The following SNTB1 variants were observed in gnomAD, a reference collection of about 807,000 sequenced individuals.
The protein encoded by SNTB1 is beta-1-syntrophin.
Under a neutral mutation model 48.9 loss-of-function variants are expected in SNTB1, and 36 were observed. The ratio of observed to expected loss-of-function variants is 0.74; its 90% CI spans 0.56 to 0.97. The LOEUF (loss-of-function observed/expected upper bound fraction) is 0.97. SNTB1 is among the 50% of genes least tolerant of loss of function. The probability of loss-of-function intolerance (pLI) is 0.00; values close to 1 mark genes in which losing one functional copy is unlikely to be tolerated. For synonymous variants in SNTB1, 299 were observed against 294.6 expected (o/e 1.01, Z -0.15); for missense variants, 786 against 703.4 (o/e 1.12, Z -1.33).
At chr8:120,593,448 A>C (rs984958707) in intron 3 of SNTB1, among the ~76,000 whole-genome samples, 17 of 151,992 alleles carry the variant, frequency 1.1e-4, no homozygotes, top group Admixed American at 5.9e-4. Context: ...ATCCTGTGTC[A>C]CTCCATCCCA....
intron 3 of SNTB1, among the ~76,000 whole-genome samples, chr8:120,580,092 T>C (rs1320587952): frequency 6.6e-6 from 1 of 152,240 alleles, no homozygotes; most frequent in Non-Finnish European, 1.5e-5. Context: ...TTTAAAGTTA[T>C]CTGCTACTAG....
At chr8:120,611,242 G>A (rs1281571001) in intron 3 of SNTB1, among the ~76,000 whole-genome samples, 3 of 152,084 alleles carry the variant, frequency 2.0e-5, no homozygotes, top group Non-Finnish European at 4.4e-5. Flanking sequence ...CTCTGTTCAG[G>A]GTCACTTTTG....
At chr8:120,742,047 T>C (rs932180446) in intron 1 of SNTB1, among the ~76,000 whole-genome samples, 2 of 152,184 alleles carry the variant, frequency 1.3e-5, no homozygotes, top group African/African-American at 4.8e-5. Flanking sequence ...AGTAAAAGTT[T>C]AATCCATAGG....
chr8:120,717,998 C>T (rs1049856388), intron 1 of SNTB1, among the ~76,000 whole-genome samples: 1 of 152,182 alleles, frequency 6.6e-6, no homozygotes, highest in African/African-American at 2.4e-5. Flanking sequence ...AGGCCTTTGT[C>T]CCTTTTATTC....
At chr8:120,697,455 A>G (rs1373792798) in intron 1 of SNTB1, among the ~76,000 whole-genome samples, 1 of 152,248 alleles carries the variant, frequency 6.6e-6, no homozygotes, top group Non-Finnish European at 1.5e-5. Context: ...GAAATGGTCC[A>G]TGATTAGAAG....
intron 2 of SNTB1, among the ~76,000 whole-genome samples, chr8:120,645,009 T>G (rs1344397566): frequency 6.7e-6 from 1 of 150,278 alleles, no homozygotes; most frequent in East Asian, 2.0e-4. Flanking sequence ...TTGATGGGGT[T>G]GTTTGTTTTT....
At chr8:120,811,235 G>A (rs1190461781) in intron 1 of SNTB1, 38 bp downstream of exon 1, 9 of 1,547,034 alleles carry the variant, frequency 5.8e-6, no homozygotes, top group Non-Finnish European at 7.8e-6. Context: ...GCAGGTGTGT[G>A]CGCGCCCGGC....
At chr8:120,691,883 A>G (rs1818134014) in intron 2 of SNTB1, among the ~76,000 whole-genome samples, 1 of 152,218 alleles carries the variant, frequency 6.6e-6, no homozygotes, top group Non-Finnish European at 1.5e-5. Flanking sequence ...AAACTTTGAC[A>G]TCAGATCATT....
intron 1 of SNTB1, among the ~76,000 whole-genome samples, chr8:120,725,445 G>A (rs1057081368): frequency 2.4e-4 from 36 of 152,094 alleles, no homozygotes; most frequent in Non-Finnish European, 1.6e-4. Flanking sequence ...CTGCTTTTAG[G>A]GGAACCCAAA....
intron 1 of SNTB1, among the ~76,000 whole-genome samples, chr8:120,717,929 T>C (rs1375786914): frequency 1.3e-5 from 2 of 152,146 alleles, no homozygotes; most frequent in African/African-American, 4.8e-5. Flanking sequence ...AGAAAAGAGG[T>C]ACTAGATGTG....
At chr8:120,569,132 C>A (rs1563819647) in intron 4 of SNTB1, among the ~76,000 whole-genome samples, 2 of 152,180 alleles carry the variant, frequency 1.3e-5, no homozygotes, top group South Asian at 4.1e-4. Flanking sequence ...AGGCACCCAC[C>A]ACCATGCCTG....
intron 4 of SNTB1, among the ~76,000 whole-genome samples, chr8:120,562,116 G>A (rs1486282619): frequency 6.6e-6 from 1 of 152,172 alleles, no homozygotes; most frequent in Non-Finnish European, 1.5e-5. Flanking sequence ...AGTCAAATAT[G>A]TCAAAGTACT....
intron 3 of SNTB1, among the ~76,000 whole-genome samples, chr8:120,576,702 C>T (rs760617892): frequency 4.6e-5 from 7 of 152,186 alleles, no homozygotes; most frequent in Non-Finnish European, 8.8e-5. Flanking sequence ...ACCCAGTTTA[C>T]TAGCTGTGGG....
At chr8:120,773,852 G>A (rs894676686) in intron 1 of SNTB1, among the ~76,000 whole-genome samples, 1 of 152,234 alleles carries the variant, frequency 6.6e-6, no homozygotes, top group South Asian at 2.1e-4. Context: ...AGTATGTGGT[G>A]GAGCTAGGCT....
intron 1 of SNTB1, 130 bp downstream of exon 1, chr8:120,811,143 A>AC (rs1563610577): frequency 2.4e-5 from 27 of 1,130,218 alleles, no homozygotes; most frequent in African/African-American, 9.5e-5. Context: ...CCCCCCCCCC[A>AC]ACACACACAC....
At chr8:120,798,951 A>C (rs1032288183) in intron 1 of SNTB1, among the ~76,000 whole-genome samples, 1 of 152,042 alleles carries the variant, frequency 6.6e-6, no homozygotes, top group Non-Finnish European at 1.5e-5. Context: ...AAATACCTTC[A>C]GTTCTCTCCC....
chr8:120,541,895 T>C lies in SNTB1; in HGVS notation c.1439A>G (p.Gln480Arg), dbSNP rs749144227. The change falls in exon 6 of 7, where the codon CAG becomes CGG. Residue 480 changes from glutamine (Q) to arginine (R), a missense_variant. Transcript: ENST00000517992. ...CATTTTGAGCTTTTCATAAGGAGAC[T>C]GTATGATGGTCTTGGGAAAGGCACC... ...QEGAFPKTII[Q>R]SPYEKLKMSS... 1.2e-6 allele frequency: 2 copies of C among 1,613,920 alleles called. No homozygotes were observed. The highest frequency in any genetic ancestry group is 1.7e-6 in the Non-Finnish European group (2 of 1,179,800).
At chr8:120,588,131 G>A (rs1300237557) in intron 3 of SNTB1, among the ~76,000 whole-genome samples, 2 of 152,088 alleles carry the variant, frequency 1.3e-5, no homozygotes, top group Non-Finnish European at 2.9e-5. Context: ...ATAAAAGGTG[G>A]GGTGTGTTTG....
chr8:120,619,435 T>C (rs1480067198), intron 3 of SNTB1, among the ~76,000 whole-genome samples: 1 of 152,166 alleles, frequency 6.6e-6, no homozygotes, highest in Non-Finnish European at 1.5e-5. Context: ...TGAAGTAATA[T>C]GTTCTTTATT....
Sources: gnomAD v4.1 joint callset for allele counts (sites outside exome capture counted in the v4.1 genomes callset) on GRCh38, gnomAD v4.1.1 for gene constraint, MANE v1.5 for transcripts, NCBI Gene and HGNC (gene_info 2026-07-23, HGNC 2026-07-21) for gene names.